The following ARL10 variants were observed in gnomAD, a reference collection of about 807,000 sequenced individuals.
The protein encoded by ARL10 is ARF like GTPase 10.
ARL10 carries 23 observed loss-of-function variants against 26.1 expected under a neutral mutation model. The ratio of observed to expected loss-of-function variants is 0.88; its 90% CI spans 0.63 to 1.25. ARL10 has a LOEUF of 1.25. Among genes scored for constraint, ARL10 ranks in the 50% most tolerant of loss-of-function variants. ARL10 has a pLI of 0.00. For missense variants in ARL10, 300 were observed against 323.6 expected (o/e 0.93, Z 0.56); for synonymous variants, 138 against 149.1 (o/e 0.93, Z 0.54).
chr5:176,406,763 G>A (rs1340206234), downstream of ARL10: 1 of 1,234,868 alleles, frequency 8.1e-7, no homozygotes, highest in Admixed American at 2.5e-5. Flanking sequence ...ATCCTTGAAA[G>A]TGTTGGGTGT....
chr5:176,366,641 T>G (rs767426102), intron 2 of ARL10, 60 bp downstream of exon 2: 211 of 1,581,766 alleles, frequency 1.3e-4, no homozygotes, highest in Non-Finnish European at 1.7e-4. Context: ...CTGGATTCTC[T>G]GCAGGGAAGG....
chr5:176,402,202 T>C (rs1479975323), downstream of ARL10, among the ~76,000 whole-genome samples: 1 of 152,144 alleles, frequency 6.6e-6, no homozygotes, highest in Non-Finnish European at 1.5e-5. Context: ...CTCAGGAGGC[T>C]GAGGCAGGAG....
Position 176,371,942 on chromosome 5 carries a change from A to C in ARL10, c.*47A>C, listed in dbSNP as rs10214381. On this transcript the variant is annotated 3_prime_UTR_variant, in exon 4 of 4. Transcript: ENST00000310389. ...ACCTGCCTGTCAAGACCATAGTTGT[A>C]CTGCTGCTGCTTCATTGCCAGACTG... The C allele has an allele frequency of 0.13, 200,183 of 1,587,820 alleles. 13,965 individuals carry two copies. Among genetic ancestry groups the C allele is most frequent in the Middle Eastern group, 0.17 (1,040 of 5,972 alleles).
intron 2 of ARL10, chr5:176,367,887 A>T (rs1768375537): frequency 3.8e-6 from 2 of 524,318 alleles, no homozygotes; most frequent in African/African-American, 1.9e-5. Context: ...CTTCCCAGTT[A>T]GGGAGGGAGC....
rs1315092099 is a variant in ARL10 at position 176,373,906 on chromosome 5, T to C, written c.*2011T>C. Reference sequence around the variant, plus strand: ...CTTTAACGAAGTTTAAAAAGTATGTTCTGTTTTTGAGCAGAAAAAAGATTC... The same window carrying C: ...CTTTAACGAAGTTTAAAAAGTATGTCCTGTTTTTGAGCAGAAAAAAGATTC... On this transcript the variant is annotated 3_prime_UTR_variant, in exon 4 of 4. Transcript: ENST00000310389. 1 of 152,200 alleles carries C rather than the reference T, an allele frequency of 6.6e-6. No individual in the cohort carries two copies. The highest frequency in any genetic ancestry group is 1.5e-5 in the Non-Finnish European group (1 of 68,034). 9.4% of individuals were successfully genotyped at this position (152,200 alleles called of 1,614,324 possible).
Position 176,375,242 on chromosome 5 carries a change from ATCCATCCT to A in ARL10, c.*3355_*3362del, listed in dbSNP as rs1156714384. 3.1e-4 allele frequency: 42 copies of A among 137,198 alleles called. No individual in the cohort carries two copies. The highest frequency in any genetic ancestry group is 5.0e-4 in the Non-Finnish European group (32 of 64,336). The allele number at this position is 137,198 out of a possible 1,614,324, so 8.5% of individuals were successfully genotyped here. A position where few individuals can be genotyped will look rare whatever the true frequency, so the allele number is the denominator to read the frequency against. ...CATCCACCCATCCATCCATCCATCCATCCATCCTTCCATCCATCCACCCATCCACCCAT... is the reference window on the plus strand; with the variant it reads ...CATCCACCCATCCATCCATCCATCCATCCATCCATCCACCCATCCACCCAT... On this transcript the variant is annotated 3_prime_UTR_variant, in exon 4 of 4. Coordinates refer to ENST00000310389, the MANE Select transcript of ARL10 (RefSeq NM_173664.6).
downstream of ARL10, chr5:176,406,525 G>T (rs951207747): frequency 8.0e-6 from 10 of 1,256,712 alleles, no homozygotes; most frequent in African/African-American, 1.4e-4. Context: ...CTAAAAGGAG[G>T]ATGATGGGAG....
downstream of ARL10, among the ~76,000 whole-genome samples, chr5:176,382,919 A>T (rs1436886998): frequency 1.3e-5 from 2 of 152,196 alleles, no homozygotes; most frequent in Admixed American, 1.3e-4. Context: ...GGGGCCAAAT[A>T]GGCCCTCAGG....
chr5:176,386,131 G>C (rs1405404709), downstream of ARL10: 3 of 155,344 alleles, frequency 1.9e-5, no homozygotes, highest in Non-Finnish European at 2.9e-5. Context: ...TTACTGAACA[G>C]TGCACTTAAA....
At chr5:176,410,320 G>A in the ARL10 span, 1 of 1,612,424 alleles carries the variant, frequency 6.2e-7, no homozygotes, top group Non-Finnish European at 8.5e-7. Context: ...AGAGAACAAG[G>A]AGATAGCATT....
At chr5:176,396,732 G>A (rs759050454) in intron 1 of ARL10, among the ~76,000 whole-genome samples, 1 of 152,036 alleles carries the variant, frequency 6.6e-6, no homozygotes, top group Non-Finnish European at 1.5e-5. Flanking sequence ...CCTGGCCCCA[G>A]CACCTTCTCT....
downstream of ARL10, among the ~76,000 whole-genome samples, chr5:176,405,146 T>C (rs1399166994): frequency 2.0e-5 from 3 of 152,110 alleles, no homozygotes; most frequent in Non-Finnish European, 4.4e-5. Flanking sequence ...AGCCCTCACC[T>C]TCCTGGGCTC....
chr5:176,391,606 T>C (rs142503406), downstream of ARL10, among the ~76,000 whole-genome samples: 129 of 152,284 alleles, frequency 8.5e-4, no homozygotes, highest in African/African-American at 2.8e-3. Context: ...AGCGAGACCC[T>C]GTTTGAGAAA....
chr5:176,405,212 A>T (rs1191266934), downstream of ARL10, among the ~76,000 whole-genome samples: 2 of 152,136 alleles, frequency 1.3e-5, no homozygotes, highest in Admixed American at 6.5e-5. Flanking sequence ...GTTTGGGACC[A>T]GGTGCAGCGG....
downstream of ARL10, chr5:176,389,184 A>G: frequency 9.1e-7 from 1 of 1,096,248 alleles, no homozygotes; most frequent in Non-Finnish European, 1.3e-6. Context: ...GGACTCTGTA[A>G]CTAGGAAGAC....
chr5:176,388,411 C>G (rs751172532), exon 2 of ARL10: 72 of 1,613,386 alleles, frequency 4.5e-5, no homozygotes, highest in Non-Finnish European at 3.4e-5. Flanking sequence ...CCCACGGCCA[C>G]CCGGAACCCC....
intron 2 of ARL10, chr5:176,367,842 T>C: frequency 2.0e-6 from 1 of 502,536 alleles, no homozygotes; most frequent in Non-Finnish European, 3.9e-6. Flanking sequence ...TTTATTTCTT[T>C]CCTTTTTGAA....
chr5:176,410,759 C>A, the ARL10 span, among the ~76,000 whole-genome samples: 3 of 117,822 alleles, frequency 2.5e-5, no homozygotes, highest in African/African-American at 8.3e-5. Context: ...GGGGCCTACG[C>A]GTCTCTGCCT....
downstream of ARL10, chr5:176,388,939 T>C: frequency 6.2e-7 from 1 of 1,614,106 alleles, no homozygotes; most frequent in Non-Finnish European, 8.5e-7. Context: ...AAAAGTTCGT[T>C]CGCAAGACCC....
Sources: gnomAD v4.1 joint callset for allele counts (sites outside exome capture counted in the v4.1 genomes callset) on GRCh38, gnomAD v4.1.1 for gene constraint, MANE v1.5 for transcripts, NCBI Gene and HGNC (gene_info 2026-07-23, HGNC 2026-07-21) for gene names.